CSMD3: variants seen among roughly 807,000 people sequenced by gnomAD.
The protein encoded by CSMD3 is CUB and Sushi multiple domains 3, also known as CUB and sushi domain-containing protein 3.
CSMD3 carries 177 observed loss-of-function variants against 435.2 expected under a neutral mutation model. That is an observed-to-expected ratio of 0.41 (90% confidence interval 0.36 to 0.46). The LOEUF (loss-of-function observed/expected upper bound fraction) is 0.46, where lower values mean the gene tolerates loss of function less well. Among genes scored for constraint, CSMD3 ranks in the 20% least tolerant of loss-of-function variants. CSMD3 has a pLI of 0.34. For missense variants in CSMD3, 4,265 were observed against 4,504.6 expected (o/e 0.95, Z 1.52); for synonymous variants, 1,656 against 1,520.5 (o/e 1.09, Z -2.07).
At chr8:113,072,061 T>C (rs1239928008) in intron 5 of CSMD3, among the ~76,000 whole-genome samples, 1 of 151,766 alleles carries the variant, frequency 6.6e-6, no homozygotes, top group Non-Finnish European at 1.5e-5. Context: ...TATTATTTTA[T>C]TGCTATTGTA....
At chr8:112,744,607 T>C (rs1166541979) in intron 13 of CSMD3, among the ~76,000 whole-genome samples, 2 of 152,026 alleles carry the variant, frequency 1.3e-5, no homozygotes, top group Admixed American at 6.6e-5. Context: ...CTGTCCTTAA[T>C]ATAGAGATTT....
intron 1 of CSMD3, among the ~76,000 whole-genome samples, chr8:113,359,143 T>A (rs1216933396): frequency 6.6e-6 from 1 of 152,178 alleles, no homozygotes; most frequent in East Asian, 1.9e-4. Flanking sequence ...GCCTCTAAGT[T>A]TGTACGTTTG....
At chr8:112,986,086 T>C (rs2085244323) in intron 6 of CSMD3, among the ~76,000 whole-genome samples, 1 of 152,174 alleles carries the variant, frequency 6.6e-6, no homozygotes, top group Non-Finnish European at 1.5e-5. Flanking sequence ...TTCAACCACA[T>C]GACTCTGAGT....
chr8:113,377,007 C>A (rs2094388674), intron 1 of CSMD3: 2 of 671,400 alleles, frequency 3.0e-6, no homozygotes, highest in Admixed American at 7.0e-5. Context: ...GCAGCCACAT[C>A]TTCTAGGGAG....
chr8:112,546,161 G>A (rs1273393494), intron 27 of CSMD3, among the ~76,000 whole-genome samples: 1 of 152,204 alleles, frequency 6.6e-6, no homozygotes, highest in East Asian at 1.9e-4. Flanking sequence ...GTATATAAAT[G>A]AATAGTGAGG....
chr8:112,859,031 G>T, intron 11 of CSMD3, 114 bp downstream of exon 11: 2 of 952,860 alleles, frequency 2.1e-6, no homozygotes, highest in Non-Finnish European at 1.6e-6. Flanking sequence ...GGAATATTGC[G>T]CCAAAATCCT....
At chr8:112,810,348 A>G (rs959598179) in intron 12 of CSMD3, among the ~76,000 whole-genome samples, 2 of 147,208 alleles carry the variant, frequency 1.4e-5, no homozygotes, top group Non-Finnish European at 3.0e-5. Flanking sequence ...ATTTAAATGG[A>G]AGGATAATTT....
intron 10 of CSMD3, among the ~76,000 whole-genome samples, chr8:112,879,298 T>C (rs559438889): frequency 6.6e-6 from 1 of 152,180 alleles, no homozygotes; most frequent in East Asian, 1.9e-4. Flanking sequence ...CATGCCCTAG[T>C]CTCCTGCAGT....
At chr8:113,198,192 T>G (rs539878894) in intron 3 of CSMD3, among the ~76,000 whole-genome samples, 19 of 151,396 alleles carry the variant, frequency 1.3e-4, no homozygotes, top group Admixed American at 8.6e-4. Context: ...TGGCTGACCT[T>G]CAGCAAGATC....
At chr8:113,433,092 A>C (rs2094684855) in intron 1 of CSMD3, among the ~76,000 whole-genome samples, 1 of 152,168 alleles carries the variant, frequency 6.6e-6, no homozygotes, top group Non-Finnish European at 1.5e-5. Context: ...AAACTACAGC[A>C]GGAGGGGGCC....
chr8:113,400,982 T>G (rs2094507359), intron 1 of CSMD3, among the ~76,000 whole-genome samples: 1 of 151,728 alleles, frequency 6.6e-6, no homozygotes, highest in East Asian at 1.9e-4. Flanking sequence ...AATTGAGAGA[T>G]AAAGAAACTA....
chr8:113,136,238 T>G (rs1437103241), intron 4 of CSMD3, among the ~76,000 whole-genome samples: 1 of 151,620 alleles, frequency 6.6e-6, no homozygotes, highest in Non-Finnish European at 1.5e-5. Context: ...AGTAAGTATT[T>G]GATACCAAGC....
chr8:112,273,491 C>T (rs543385927), intron 59 of CSMD3, among the ~76,000 whole-genome samples: 11 of 151,842 alleles, frequency 7.2e-5, no homozygotes, highest in East Asian at 3.9e-4. Context: ...TTTGGGAGGC[C>T]GAGGCGGGTG....
chr8:112,352,641 T>C (rs768180178), intron 38 of CSMD3, 107 bp from the exon 39 acceptor site: 40 of 966,140 alleles, frequency 4.1e-5, no homozygotes, highest in Non-Finnish European at 6.4e-5. Context: ...TCAAACTAGA[T>C]ACTATATTGA....
At chr8:113,300,854 G>A (rs1004406293) in intron 2 of CSMD3, among the ~76,000 whole-genome samples, 2 of 152,096 alleles carry the variant, frequency 1.3e-5, no homozygotes, top group Non-Finnish European at 2.9e-5. Context: ...AAAAGGGCAC[G>A]ATATTTATTA....
At chr8:112,522,095 G>A (rs1447804243) in intron 27 of CSMD3, among the ~76,000 whole-genome samples, 1 of 151,426 alleles carries the variant, frequency 6.6e-6, no homozygotes, top group East Asian at 1.9e-4. Flanking sequence ...TTTCTATCTG[G>A]TTGTTATAAT....
At chr8:113,168,978 C>T (rs1007515831) in intron 4 of CSMD3, among the ~76,000 whole-genome samples, 2 of 152,086 alleles carry the variant, frequency 1.3e-5, no homozygotes, top group African/African-American at 2.4e-5. Context: ...TAAGTCACTA[C>T]TTCTTTGGAG....
At chr8:112,901,407 A>C (rs112985446) in intron 10 of CSMD3, among the ~76,000 whole-genome samples, 30 of 151,404 alleles carry the variant, frequency 2.0e-4, no homozygotes, top group African/African-American at 7.2e-4. Flanking sequence ...ACTAGAAATG[A>C]AACATTTTCT....
At chr8:112,372,822 C>T (rs1159221178) in intron 38 of CSMD3, among the ~76,000 whole-genome samples, 1 of 151,114 alleles carries the variant, frequency 6.6e-6, no homozygotes. Flanking sequence ...GCACTCCAGC[C>T]TGGGTGACAG....
Sources: gnomAD v4.1 joint callset for allele counts (sites outside exome capture counted in the v4.1 genomes callset) on GRCh38, gnomAD v4.1.1 for gene constraint, MANE v1.5 for transcripts, NCBI Gene and HGNC (gene_info 2026-07-23, HGNC 2026-07-21) for gene names.